CYYR1: variants seen among roughly 807,000 people sequenced by gnomAD.
The protein encoded by CYYR1 is cysteine and tyrosine rich 1.
CYYR1 carries 14 observed loss-of-function variants against 15.2 expected under a neutral mutation model. The observed-to-expected ratio is 0.92, with a 90% CI of 0.61 to 1.44. CYYR1 has a LOEUF of 1.44. CYYR1 is among the 40% of genes most tolerant of loss of function. CYYR1 has a pLI of 0.00. For missense variants in CYYR1, 228 were observed against 209.5 expected, an observed-to-expected ratio of 1.09 and a Z score of -0.54; for synonymous variants, 80 against 77.4, an observed-to-expected ratio of 1.03 and a Z score of -0.18.
intron 2 of CYYR1, among the ~76,000 whole-genome samples, chr21:26,557,619 A>G (rs186863070): frequency 6.6e-6 from 1 of 152,196 alleles, no homozygotes; most frequent in Non-Finnish European, 1.5e-5. Flanking sequence ...GTATTCCTGA[A>G]TTTCCCTAAG....
At chr21:26,542,293 G>GCA (rs1978623567) in intron 2 of CYYR1, among the ~76,000 whole-genome samples, 2 of 116,728 alleles carry the variant, frequency 1.7e-5, no homozygotes, top group Non-Finnish European at 3.7e-5. Context: ...GTGTGTGCGT[G>GCA]TGTGTGTGTG....
At chr21:26,475,233 C>T (rs1320176662) in intron 3 of CYYR1, among the ~76,000 whole-genome samples, 1 of 152,054 alleles carries the variant, frequency 6.6e-6, no homozygotes, top group East Asian at 1.9e-4. Context: ...CAAATACCTC[C>T]TCAGTTTTTT....
Position 26,468,552 on chromosome 21 carries a change from AC to A in CYYR1, c.416del (p.Gly139ValfsTer65). ...LPPPYSPTPQGPAQRSPPPPY... is the reference protein window; with the variant it reads ...LPPPYSPTPQXPAQRSPPPPY... ...GAGGGGGTGGAGAACGCTGTGCTGG[AC>A]CCTGTGGGGTGGGGGAGTATGGAGG... On this transcript the variant is annotated frameshift_variant, in exon 4 of 4. Coordinates refer to ENST00000652641, the MANE Select transcript of CYYR1 (RefSeq NM_001320768.2). LOFTEE classifies it high-confidence loss of function. 1 of 1,612,244 alleles carries A rather than the reference AC, an allele frequency of 6.2e-7. No individual in the cohort carries two copies.
intron 3 of CYYR1, among the ~76,000 whole-genome samples, chr21:26,474,420 T>C (rs1179815433): frequency 6.6e-6 from 1 of 151,306 alleles, no homozygotes; most frequent in African/African-American, 2.4e-5. Flanking sequence ...TTTTTTTTTT[T>C]TTTTTTTTAA....
chr21:26,470,676 A>G (rs764657953), intron 3 of CYYR1: 2 of 152,180 alleles, frequency 1.3e-5, no homozygotes, highest in African/African-American at 2.4e-5. Flanking sequence ...TTTCTCCATA[A>G]ATTACCCAGA....
chr21:26,484,725 G>T (rs180830076), intron 2 of CYYR1, among the ~76,000 whole-genome samples: 1 of 152,208 alleles, frequency 6.6e-6, no homozygotes, highest in Admixed American at 6.6e-5. Flanking sequence ...TATGGAAGCT[G>T]TTAAGATATC....
intron 2 of CYYR1, among the ~76,000 whole-genome samples, chr21:26,496,791 T>C (rs2065410845): frequency 2.6e-5 from 4 of 152,330 alleles, no homozygotes; most frequent in East Asian, 1.9e-4. Flanking sequence ...CCAATACTTA[T>C]AGAATATTTA....
intron 2 of CYYR1, among the ~76,000 whole-genome samples, chr21:26,482,745 C>T (rs2065199393): frequency 6.6e-6 from 1 of 152,034 alleles, no homozygotes; most frequent in African/African-American, 2.4e-5. Context: ...TTATTGTCTT[C>T]TAGAATTTGG....
At chr21:26,502,943 G>T (rs999925329) in intron 2 of CYYR1, among the ~76,000 whole-genome samples, 1 of 151,988 alleles carries the variant, frequency 6.6e-6, no homozygotes, top group African/African-American at 2.4e-5. Flanking sequence ...TTTACATTCT[G>T]CCCTATAGAT....
intron 2 of CYYR1, among the ~76,000 whole-genome samples, chr21:26,544,800 G>A (rs1047894941): frequency 1.3e-5 from 2 of 151,872 alleles, no homozygotes; most frequent in Non-Finnish European, 1.5e-5. Flanking sequence ...TAAATAATAA[G>A]AAAGGCCGAG....
intron 2 of CYYR1, among the ~76,000 whole-genome samples, chr21:26,483,781 A>G (rs1489488917): frequency 6.6e-6 from 1 of 152,092 alleles, no homozygotes; most frequent in Non-Finnish European, 1.5e-5. Flanking sequence ...ATGATCTCTG[A>G]AGGCAGATCA....
intron 2 of CYYR1, 135 bp from the exon 3 acceptor site, chr21:26,480,564 T>TA: frequency 1.5e-5 from 12 of 801,552 alleles, no homozygotes; most frequent in South Asian, 2.9e-5. Flanking sequence ...GTTTTTCTTT[T>TA]CTTTTTTTTT....
chr21:26,518,779 T>C (rs1195864117), intron 2 of CYYR1, among the ~76,000 whole-genome samples: 1 of 152,202 alleles, frequency 6.6e-6, no homozygotes, highest in East Asian at 1.9e-4. Context: ...AATGCTTCAA[T>C]AAATTTTGAT....
At position 26,573,261 on chromosome 21, in the gene CYYR1, T is replaced by A; in HGVS notation, c.-321A>T. ...GTCCTTGGCCACCCAGGCTCACATTTCATCTCCGCGGGTGGCAACGACTGC... is the reference window on the plus strand; with the variant it reads ...GTCCTTGGCCACCCAGGCTCACATTACATCTCCGCGGGTGGCAACGACTGC... On this transcript the variant is annotated 5_prime_UTR_variant, in exon 1 of 4. An upstream open reading frame in the 5' UTR gains an earlier in-frame stop. Transcript: ENST00000652641. 2 of 1,340,688 alleles carry A rather than the reference T, an allele frequency of 1.5e-6. No individual in the cohort carries two copies. The highest frequency in any genetic ancestry group is 1.9e-6 in the Non-Finnish European group (2 of 1,030,266). 83.0% of individuals were successfully genotyped at this position (1,340,688 alleles called of 1,614,324 possible). A position where few individuals can be genotyped will look rare whatever the true frequency, so the allele number is the denominator to read the frequency against.
intron 2 of CYYR1, among the ~76,000 whole-genome samples, chr21:26,531,699 CA>C (rs2065932490): frequency 6.6e-6 from 1 of 152,078 alleles, no homozygotes; most frequent in Non-Finnish European, 1.5e-5. Flanking sequence ...ATAAATTACC[CA>C]GTCTCAGGTA....
At chr21:26,512,873 C>T (rs2065669403) in intron 2 of CYYR1, among the ~76,000 whole-genome samples, 1 of 152,174 alleles carries the variant, frequency 6.6e-6, no homozygotes, top group African/African-American at 2.4e-5. Context: ...GTTGGCTGTG[C>T]ATAACCTGTG....
intron 2 of CYYR1, chr21:26,482,481 C>A: frequency 1.0e-6 from 1 of 985,208 alleles, no homozygotes; most frequent in Non-Finnish European, 1.2e-6. Flanking sequence ...GGAACTGTTC[C>A]CCTTGAGCCC....
At chr21:26,524,321 A>G (rs1601790510) in intron 2 of CYYR1, among the ~76,000 whole-genome samples, 1 of 152,222 alleles carries the variant, frequency 6.6e-6, no homozygotes, top group Non-Finnish European at 1.5e-5. Context: ...TAAATCAACT[A>G]GGCTAACCAA....
Position 26,566,211 on chromosome 21 carries a change from G to A in CYYR1, c.176+55C>T, listed in dbSNP as rs1350275891. 3.1e-6 allele frequency: 4 copies of A among 1,291,022 alleles called. No homozygotes were observed. In the East Asian group the frequency reaches 9.5e-5, roughly 31 times the overall value. 80.0% of individuals were successfully genotyped at this position (1,291,022 alleles called of 1,614,324 possible). A position where few individuals can be genotyped will look rare whatever the true frequency, so the allele number is the denominator to read the frequency against. Reference sequence around the variant, plus strand: ...CTTAGTACTTTTAAAAGACATAACTGGACAACTGGACAAGAGGAAGAGCAT... The same window carrying A: ...CTTAGTACTTTTAAAAGACATAACTAGACAACTGGACAAGAGGAAGAGCAT... On this transcript the variant is annotated intron_variant, in intron 2 of 3. Transcript: ENST00000652641.
Sources: allele counts gnomAD v4.1 joint callset (sites outside exome capture counted in the v4.1 genomes callset), GRCh38; gene constraint gnomAD v4.1.1; transcripts MANE v1.5; gene names NCBI Gene and HGNC (gene_info 2026-07-23, HGNC 2026-07-21).